FLT3: variants seen among roughly 807,000 people sequenced by gnomAD.
FLT3 encodes the protein receptor-type tyrosine-protein kinase FLT3.
FLT3 carries 46 observed loss-of-function variants against 126.6 expected under a neutral mutation model. The observed-to-expected ratio is 0.36, with a 90% CI of 0.29 to 0.46. The LOEUF (loss-of-function observed/expected upper bound fraction) is 0.46. Among genes scored for constraint, FLT3 ranks in the 20% least tolerant of loss-of-function variants. The pLI, the probability that FLT3 is intolerant of heterozygous loss-of-function variation, is 1.00. For missense variants in FLT3, 1,069 were observed against 1,190.3 expected (o/e 0.90, Z 1.50); for synonymous variants, 404 against 434.4 (o/e 0.93, Z 0.87).
intron 23 of FLT3, among the ~76,000 whole-genome samples, chr13:28,005,145 C>T (rs1870768368): frequency 6.6e-6 from 1 of 152,150 alleles, no homozygotes; most frequent in Non-Finnish European, 1.5e-5. Flanking sequence ...GCCTAGCCAA[C>T]GTGGAGAAAC....
At chr13:28,050,874 T>C (rs1026764237) in intron 5 of FLT3, among the ~76,000 whole-genome samples, 7 of 152,166 alleles carry the variant, frequency 4.6e-5, no homozygotes, top group African/African-American at 1.4e-4. Context: ...TAAATTTTAA[T>C]TAGTTCAAAC....
chr13:28,066,002 T>C (rs1876999280), intron 2 of FLT3, among the ~76,000 whole-genome samples: 2 of 151,672 alleles, frequency 1.3e-5, no homozygotes. Context: ...ATAAAATAAA[T>C]AAATAAACCA....
chr13:28,004,992 T>C (rs993981147), intron 23 of FLT3, among the ~76,000 whole-genome samples: 46 of 152,166 alleles, frequency 3.0e-4, no homozygotes, highest in African/African-American at 1.1e-3. Context: ...TTCCCAAATA[T>C]GAAGTTAACA....
chr13:28,057,707 A>T (rs1876132940), intron 3 of FLT3, among the ~76,000 whole-genome samples: 1 of 151,844 alleles, frequency 6.6e-6, no homozygotes, highest in Admixed American at 6.6e-5. Context: ...CCATCATCTC[A>T]CCTTCTCTGA....
At chr13:28,087,893 C>T (rs1243860198) in intron 1 of FLT3, among the ~76,000 whole-genome samples, 5 of 152,264 alleles carry the variant, frequency 3.3e-5, no homozygotes, top group Middle Eastern at 6.8e-3. Flanking sequence ...TTAACATGTA[C>T]AATCTTTCCT....
chr13:28,076,248 CGTTT>C (rs1877918492), intron 1 of FLT3, among the ~76,000 whole-genome samples: 1 of 152,092 alleles, frequency 6.6e-6, no homozygotes, highest in African/African-American at 2.4e-5. Flanking sequence ...CAAATGCTGA[CGTTT>C]ATTTTATTTC....
intron 9 of FLT3, among the ~76,000 whole-genome samples, chr13:28,046,982 C>T (rs1874941605): frequency 1.3e-5 from 2 of 151,792 alleles, no homozygotes; most frequent in African/African-American, 4.8e-5. Context: ...AATTAGAGTA[C>T]ATCTCAATTT....
At chr13:28,056,576 G>A (rs371702973) in intron 4 of FLT3, among the ~76,000 whole-genome samples, 3 of 152,150 alleles carry the variant, frequency 2.0e-5, no homozygotes, top group East Asian at 3.9e-4. Flanking sequence ...TGATGGGGAC[G>A]AAACAAGGAG....
In FLT3 at chr13:28,057,361, G is replaced by A. The variant is rs756942689; in HGVS notation, c.470C>T (p.Thr157Ile). ...SEATNYTILF[T>I]VSIRNTLLYT... ...GCTGGACTTACTTCTTATACTCACT[G>A]TAAACAATATTGTGTAATTGGTAGC... The change falls in exon 4 of 24, where the codon ACA (threonine) becomes ATA (isoleucine). Residue 157 changes from threonine (T) to isoleucine (I), a missense_variant. Transcript: ENST00000241453. The A allele has an allele frequency of 3.5e-6, 5 of 1,411,284 alleles. No homozygotes were observed. Among genetic ancestry groups the A allele is most frequent in the Non-Finnish European group, 5.0e-6 (5 of 994,724 alleles). 87.4% of individuals were successfully genotyped at this position (1,411,284 alleles called of 1,614,324 possible).
At chr13:28,035,843 A>T in intron 11 of FLT3, 92 bp downstream of exon 11, 2 of 1,258,430 alleles carry the variant, frequency 1.6e-6, no homozygotes, top group Non-Finnish European at 2.3e-6. Context: ...TAAATATTTC[A>T]TCATTTCCTC....
At chr13:28,091,612 A>G (rs1037676434) in intron 1 of FLT3, among the ~76,000 whole-genome samples, 4 of 151,858 alleles carry the variant, frequency 2.6e-5, no homozygotes, top group African/African-American at 9.7e-5. Context: ...TTCTTTCTCT[A>G]TAAATTCTCA....
At chr13:28,099,662 C>A (rs1879692889) in intron 1 of FLT3, among the ~76,000 whole-genome samples, 1 of 152,148 alleles carries the variant, frequency 6.6e-6, no homozygotes, top group Non-Finnish European at 1.5e-5. Flanking sequence ...TCGCCTTCAA[C>A]CCAAATTCGA....
At chr13:28,037,548 G>A (rs570603298) in intron 9 of FLT3, among the ~76,000 whole-genome samples, 20 of 152,300 alleles carry the variant, frequency 1.3e-4, no homozygotes, top group Non-Finnish European at 2.8e-4. Context: ...CACTGACTCA[G>A]AATCTGCATT....
chr13:28,094,607 C>G lies in FLT3; in HGVS notation c.43+5861G>C, dbSNP rs1418492380. Among the ~76,000 whole-genome samples, 3 of 152,120 alleles carry G rather than the reference C, an allele frequency of 2.0e-5. No individual in the cohort carries two copies. In the East Asian group the frequency reaches 5.8e-4, roughly 29 times the overall value. ...CTCAAATTCCTGGGCTCAAGCTATC[C>G]TCTTATCTCAGCCTCCTGAGTAGCT... On this transcript the variant is annotated intron_variant, in intron 1 of 23. Transcript: ENST00000241453.
At chr13:28,091,070 G>GTCAAGACACT (rs1878998435) in intron 1 of FLT3, among the ~76,000 whole-genome samples, 1 of 152,052 alleles carries the variant, frequency 6.6e-6, no homozygotes, top group Non-Finnish European at 1.5e-5. Flanking sequence ...ACCAGAGGAT[G>GTCAAGACACT]TCAAGACACT....
intron 1 of FLT3, among the ~76,000 whole-genome samples, chr13:28,085,677 A>T (rs899173412): frequency 2.1e-5 from 3 of 143,852 alleles, no homozygotes; most frequent in African/African-American, 8.9e-5. Context: ...AACATTATGA[A>T]ATGGCTCTCT....
intron 1 of FLT3, among the ~76,000 whole-genome samples, chr13:28,099,107 T>C (rs1879657182): frequency 6.8e-6 from 1 of 147,506 alleles, no homozygotes; most frequent in Non-Finnish European, 1.5e-5. Context: ...TTTAGAAATA[T>C]CTGGAGAGAG....
chr13:28,066,946 T>C (rs1175004973), intron 2 of FLT3, among the ~76,000 whole-genome samples: 1 of 152,190 alleles, frequency 6.6e-6, no homozygotes, highest in African/African-American at 2.4e-5. Flanking sequence ...ACTCTAATGA[T>C]CAAGGTTCAC....
intron 2 of FLT3, among the ~76,000 whole-genome samples, chr13:28,064,307 G>T (rs1876822098): frequency 6.6e-6 from 1 of 151,298 alleles, no homozygotes; most frequent in Non-Finnish European, 1.5e-5. Flanking sequence ...AGGGGCGATG[G>T]CTCACTCCTG....
Sources: gnomAD v4.1 joint callset for allele counts (sites outside exome capture counted in the v4.1 genomes callset) on GRCh38, gnomAD v4.1.1 for gene constraint, MANE v1.5 for transcripts, NCBI Gene and HGNC (gene_info 2026-07-23, HGNC 2026-07-21) for gene names.